CCDC62: variants seen among roughly 807,000 people sequenced by gnomAD.
CCDC62 encodes coiled-coil domain containing 62.
A neutral mutation model predicts 80.8 loss-of-function variants in CCDC62; 72 were observed. That is an observed-to-expected ratio of 0.89 (90% CI 0.74 to 1.08). The LOEUF (loss-of-function observed/expected upper bound fraction) is 1.08, where lower values mean the gene tolerates loss of function less well. Among genes scored for constraint, CCDC62 ranks in the 50% least tolerant of loss-of-function variants. CCDC62 has a pLI of 0.00. For missense variants in CCDC62, 704 were observed against 809.4 expected (o/e 0.87, Z 1.58); for synonymous variants, 286 against 296.5 (o/e 0.96, Z 0.36).
chr12:122,804,735 T>G (rs1235485837), intron 9 of CCDC62, among the ~76,000 whole-genome samples: 1 of 152,054 alleles, frequency 6.6e-6, no homozygotes, highest in Non-Finnish European at 1.5e-5. Context: ...TTTTCTCTTT[T>G]TAGAGATAGG....
intron 6 of CCDC62, among the ~76,000 whole-genome samples, chr12:122,795,846 G>C (rs986201328): frequency 6.6e-6 from 1 of 152,202 alleles, no homozygotes; most frequent in Non-Finnish European, 1.5e-5. Context: ...CTGAGTGTCT[G>C]CCTCAGGTCT....
chr12:122,813,949 G>A (rs533262728), intron 11 of CCDC62, among the ~76,000 whole-genome samples: 1 of 150,848 alleles, frequency 6.6e-6, no homozygotes, highest in Admixed American at 6.6e-5. Context: ...GAGCCACCAC[G>A]GCCAGCTGGA....
chr12:122,788,832 A>G lies in CCDC62; in HGVS notation c.573A>G (p.Leu191=). The change falls in exon 5 of 13, where the codon CTA becomes CTG. Residue 191 remains leucine (L), a synonymous_variant. Transcript: ENST00000253079. ...SGKFKMLEHA[L]RDAKMAETCI... The stretch of plus-strand genomic sequence containing the variant: ...AATTTAAAATGCTAGAGCATGCCCT[A>G]CGTGATGCCAAGATGGCGGAGACTT... The G allele has an allele frequency of 1.2e-6, 2 of 1,611,190 alleles. No homozygotes were observed. The highest frequency in any genetic ancestry group is 1.7e-4 in the Middle Eastern group (1 of 6,058).
chr12:122,805,199 TTTTTTTTTTTGTGAGAATTAGTCTG>T (rs1434591006), intron 9 of CCDC62, among the ~76,000 whole-genome samples: 1 of 148,878 alleles, frequency 6.7e-6, no homozygotes, highest in Non-Finnish European at 1.5e-5. Flanking sequence ...TTTTTTTTTT[TTTTTTTTTTTGTGAGAATTAGTCTG>T]TTTTAATTTT....
chr12:122,823,317 AT>A, intron 11 of CCDC62, 48 bp from the exon 12 acceptor site: 1 of 1,394,874 alleles, frequency 7.2e-7, no homozygotes, highest in Non-Finnish European at 1.0e-6. Flanking sequence ...CTTCTTAAGA[AT>A]TTTTTAGTTT....
At chr12:122,787,897 C>T (rs571398208) in intron 4 of CCDC62, among the ~76,000 whole-genome samples, 1 of 152,260 alleles carries the variant, frequency 6.6e-6, no homozygotes, top group African/African-American at 2.4e-5. Context: ...GATTGACTGT[C>T]GTGGGTGTCC....
chr12:122,815,539 C>T (rs953189648), intron 11 of CCDC62, among the ~76,000 whole-genome samples: 13 of 152,060 alleles, frequency 8.5e-5, no homozygotes, highest in Non-Finnish European at 1.3e-4. Context: ...CTCCGCCTCC[C>T]GGGTTCACGC....
chr12:122,816,787 A>C (rs116988946), intron 11 of CCDC62, among the ~76,000 whole-genome samples: 1 of 149,638 alleles, frequency 6.7e-6, no homozygotes, highest in East Asian at 1.9e-4. Context: ...ACCCTTCTAA[A>C]GTGTACAATT....
At chr12:122,782,327 G>A (rs979123093) in intron 3 of CCDC62, among the ~76,000 whole-genome samples, 1 of 152,132 alleles carries the variant, frequency 6.6e-6, no homozygotes, top group Non-Finnish European at 1.5e-5. Context: ...TCAGTACAAC[G>A]CTTTTTAACC....
chr12:122,822,105 T>C (rs1443691108), intron 11 of CCDC62, among the ~76,000 whole-genome samples: 4 of 526 alleles, frequency 7.6e-3, no homozygotes, highest in Non-Finnish European at 0.018. Context: ...TTATTTATCT[T>C]TTTTTTTTTT....
intron 7 of CCDC62, among the ~76,000 whole-genome samples, 163 bp from the exon 8 acceptor site, chr12:122,797,922 T>A (rs570970574): frequency 6.6e-6 from 1 of 152,284 alleles, no homozygotes; most frequent in East Asian, 1.9e-4. Context: ...CAAATCTTAG[T>A]GCTAACAAAG....
intron 6 of CCDC62, among the ~76,000 whole-genome samples, chr12:122,796,356 C>T (rs1230070225): frequency 1.3e-5 from 2 of 151,960 alleles, no homozygotes; most frequent in Non-Finnish European, 2.9e-5. Flanking sequence ...TTGACTCAGG[C>T]TGGTCTCAAA....
At chr12:122,776,373 T>C (rs540669391) in intron 1 of CCDC62, among the ~76,000 whole-genome samples, 2 of 152,346 alleles carry the variant, frequency 1.3e-5, no homozygotes, top group East Asian at 1.9e-4. Context: ...GATAATATTG[T>C]TAGATATAAA....
intron 10 of CCDC62, among the ~76,000 whole-genome samples, chr12:122,809,592 C>G (rs2135574000): frequency 6.6e-6 from 1 of 152,346 alleles, no homozygotes; most frequent in African/African-American, 2.4e-5. Context: ...TCAAGACCAG[C>G]CTGGTCAACA....
At chr12:122,777,735 T>C (rs761665101) in intron 2 of CCDC62, 52 bp downstream of exon 2, 1 of 1,495,244 alleles carries the variant, frequency 6.7e-7, no homozygotes, top group South Asian at 1.1e-5. Context: ...TGCTAACACA[T>C]TGATGGGCTC....
chr12:122,777,253 A>T (rs930617629), intron 1 of CCDC62: 3 of 411,080 alleles, frequency 7.3e-6, no homozygotes, highest in African/African-American at 2.0e-5. Flanking sequence ...AAACAGTCCC[A>T]CTTTTTAGGC....
chr12:122,793,120 A>G (rs931366431), intron 6 of CCDC62, among the ~76,000 whole-genome samples: 4 of 152,148 alleles, frequency 2.6e-5, no homozygotes, highest in Non-Finnish European at 5.9e-5. Flanking sequence ...ATTAGCCTGC[A>G]TTTGGACGAA....
At chr12:122,813,499 AG>A (rs1323154766) in intron 11 of CCDC62, 80 bp downstream of exon 11, 1 of 1,364,266 alleles carries the variant, frequency 7.3e-7, no homozygotes, top group African/African-American at 1.5e-5. Flanking sequence ...TATCACCGGC[AG>A]GGCGGCCTTT....
Position 122,788,758 on chromosome 12 carries a change from G to A in CCDC62, c.499G>A (p.Asp167Asn). The change falls in exon 5 of 13, where the codon GAC (aspartate) becomes AAC (asparagine). Residue 167 changes from aspartate (D) to asparagine (N), a missense_variant and splice_region_variant. Physicochemically the swap from Asp to Asn is conservative, Grantham distance 23 (BLOSUM62 1). Transcript: ENST00000253079. ...AACCATTTTCAAATTTGGTTTTTAG[G>A]ACAAAGATATTATTGAGGCAGTTAA... ...QALTTMIKLK[D>N]KDIIEAVNHI... 6.5e-7 allele frequency: 1 copy of A among 1,544,480 alleles called. No homozygotes were observed. Among genetic ancestry groups the A allele is most frequent in the Non-Finnish European group, 8.7e-7 (1 of 1,149,848 alleles).
Sources: allele counts gnomAD v4.1 joint callset (sites outside exome capture counted in the v4.1 genomes callset), GRCh38; gene constraint gnomAD v4.1.1; transcripts MANE v1.5; gene names NCBI Gene and HGNC (gene_info 2026-07-23, HGNC 2026-07-21).